Variants in DAAM1 observed in about 807,000 individuals in gnomAD.
DAAM1 encodes dishevelled associated activator of morphogenesis 1.
DAAM1 carries 52 observed loss-of-function variants against 130.0 expected under a neutral mutation model. The observed-to-expected ratio is 0.40, with a 90% CI of 0.32 to 0.50. The LOEUF (loss-of-function observed/expected upper bound fraction) is 0.50, where lower values mean the gene tolerates loss of function less well. DAAM1 is among the 20% of genes least tolerant of loss of function. DAAM1 has a pLI of 0.61. For missense variants in DAAM1, 1,134 were observed against 1,303.8 expected, an observed-to-expected ratio of 0.87 and a Z score of 2.01; for synonymous variants, 452 against 444.5, an observed-to-expected ratio of 1.02 and a Z score of -0.21.
chr14:59,261,085 G>A (rs1179288081), intron 1 of DAAM1, among the ~76,000 whole-genome samples: 1 of 152,154 alleles, frequency 6.6e-6, no homozygotes, highest in Non-Finnish European at 1.5e-5. Flanking sequence ...TCTGCTCTGA[G>A]AAGATGGTGG....
intron 3 of DAAM1, among the ~76,000 whole-genome samples, 197 bp from the exon 4 acceptor site, chr14:59,315,083 T>G (rs903454403): frequency 6.6e-6 from 1 of 152,200 alleles, no homozygotes; most frequent in African/African-American, 2.4e-5. Flanking sequence ...TCTGTGGAAA[T>G]TGAGCTGGGA....
chr14:59,336,448 T>A lies in DAAM1; in HGVS notation c.1969-3626T>A, dbSNP rs1885629777. On this transcript the variant is annotated intron_variant, in intron 15 of 24. Coordinates refer to ENST00000360909, the MANE Select transcript of DAAM1 (RefSeq NM_001270520.2). ...TACTTCTCTCTGATTTTTCAGTGAATAAGCTTTCAAAAAGAATGTTAACCT... is the reference window on the plus strand; with the variant it reads ...TACTTCTCTCTGATTTTTCAGTGAAAAAGCTTTCAAAAAGAATGTTAACCT... 3.3e-5 allele frequency among the ~76,000 whole-genome samples: 5 copies of A among 152,338 alleles called. No individual in the cohort carries two copies. The South Asian group carries it at 1.0e-3, about 32-fold the overall frequency.
chr14:59,327,398 G>GTTTCTTTTTTTT (rs1885248132), intron 12 of DAAM1, among the ~76,000 whole-genome samples: 1 of 72,774 alleles, frequency 1.4e-5, no homozygotes, highest in African/African-American at 7.4e-5. Context: ...AGGTCACTTG[G>GTTTCTTTTTTTT]TTTCTTTTTT....
chr14:59,345,290 C>T (rs139741788), intron 16 of DAAM1, among the ~76,000 whole-genome samples: 2,104 of 152,242 alleles, frequency 0.014, 19 homozygotes, highest in South Asian at 0.036. Context: ...CCAAGAATGA[C>T]GAAAACCATC....
chr14:59,200,451 AT>A (rs74631508), intron 1 of DAAM1, among the ~76,000 whole-genome samples: 3 of 149,448 alleles, frequency 2.0e-5, no homozygotes, highest in Admixed American at 1.3e-4. Context: ...GTGATGTTCC[AT>A]TTTTTTTTTC....
chr14:59,307,881 T>G (rs1884432563), intron 3 of DAAM1, among the ~76,000 whole-genome samples: 1 of 152,204 alleles, frequency 6.6e-6, no homozygotes, highest in Non-Finnish European at 1.5e-5. Context: ...TTCAATTTTG[T>G]TAACCTAGAT....
intron 3 of DAAM1, among the ~76,000 whole-genome samples, chr14:59,308,857 G>C (rs377723668): frequency 6.6e-6 from 1 of 152,172 alleles, no homozygotes; most frequent in Non-Finnish European, 1.5e-5. Context: ...GGAGGTGGTG[G>C]ATTTCCTGGC....
intron 1 of DAAM1, among the ~76,000 whole-genome samples, chr14:59,224,380 G>T (rs1888871586): frequency 6.6e-6 from 1 of 152,220 alleles, no homozygotes; most frequent in Non-Finnish European, 1.5e-5. Context: ...TCAAATCCTT[G>T]ATGGTGGCAC....
At chr14:59,354,818 C>T (rs905627957) in intron 19 of DAAM1, among the ~76,000 whole-genome samples, 2 of 152,164 alleles carry the variant, frequency 1.3e-5, no homozygotes, top group Non-Finnish European at 2.9e-5. Context: ...TAACCTGACT[C>T]ACACCAGACA....
intron 2 of DAAM1, among the ~76,000 whole-genome samples, chr14:59,287,007 T>G (rs1451967393): frequency 6.6e-6 from 1 of 152,006 alleles, no homozygotes; most frequent in Non-Finnish European, 1.5e-5. Context: ...GGCTAATATC[T>G]CTGATGAAGG....
At chr14:59,211,369 C>A (rs1256993960) in intron 1 of DAAM1, among the ~76,000 whole-genome samples, 1 of 152,200 alleles carries the variant, frequency 6.6e-6, no homozygotes, top group Admixed American at 6.5e-5. Context: ...CATCCTGTGG[C>A]ACTCTCTTCT....
chr14:59,255,215 C>G (rs186411376), intron 1 of DAAM1, among the ~76,000 whole-genome samples: 89 of 152,228 alleles, frequency 5.8e-4, no homozygotes, highest in Non-Finnish European at 2.9e-5. Context: ...CAAGAAGTGC[C>G]CTATTAGAAC....
At chr14:59,209,156 G>T (rs2139407467) in intron 1 of DAAM1, among the ~76,000 whole-genome samples, 1 of 152,258 alleles carries the variant, frequency 6.6e-6, no homozygotes, top group South Asian at 2.1e-4. Context: ...CCTATAATCT[G>T]TTAAATACTT....
At chr14:59,286,682 A>C (rs1286814189) in intron 2 of DAAM1, among the ~76,000 whole-genome samples, 1 of 152,192 alleles carries the variant, frequency 6.6e-6, no homozygotes, top group Non-Finnish European at 1.5e-5. Context: ...AAGGTGTTTA[A>C]GAAATGGATA....
intron 3 of DAAM1, among the ~76,000 whole-genome samples, chr14:59,293,725 A>G (rs1453904488): frequency 1.3e-5 from 2 of 152,240 alleles, no homozygotes; most frequent in Non-Finnish European, 2.9e-5. Flanking sequence ...TAACACTGTT[A>G]AAACTCTACT....
At chr14:59,282,314 A>ATC (rs1883257644) in intron 2 of DAAM1, among the ~76,000 whole-genome samples, 1 of 152,156 alleles carries the variant, frequency 6.6e-6, no homozygotes, top group South Asian at 2.1e-4. Flanking sequence ...TAGCTTTTTG[A>ATC]ACCCTGTGCC....
chr14:59,270,073 A>G (rs112782730), intron 2 of DAAM1, among the ~76,000 whole-genome samples: 3 of 152,186 alleles, frequency 2.0e-5, no homozygotes, highest in African/African-American at 2.4e-5. Flanking sequence ...ATATTTTGCT[A>G]TCTGGTTAAA....
At chr14:59,254,881 T>C (rs1270796967) in intron 1 of DAAM1, among the ~76,000 whole-genome samples, 1 of 152,214 alleles carries the variant, frequency 6.6e-6, no homozygotes, top group Non-Finnish European at 1.5e-5. Flanking sequence ...ATAGTGTTTC[T>C]GGCAGGGCTT....
Position 59,323,034 on chromosome 14 carries a change from C to T in DAAM1, c.583C>T (p.Arg195Trp). 1.9e-6 allele frequency: 3 copies of T among 1,614,102 alleles called. No individual in the cohort carries two copies. Among genetic ancestry groups the T allele is most frequent in the East Asian group, 2.2e-5 (1 of 44,852 alleles). The change falls in exon 6 of 25, where the codon CGG becomes TGG. Residue 195 changes from arginine to tryptophan, a missense_variant. By Grantham distance (101) the Arg-to-Trp change is moderately radical. Transcript: ENST00000360909. ...GGCGTTAATGAACAACTCTCAAGGC[C>T]GGGCTCACGTCCTGGCTCATTCTGA... ...IKALMNNSQGRAHVLAHSESI... is the reference protein window; with the variant it reads ...IKALMNNSQGWAHVLAHSESI...
Sources: gnomAD v4.1 joint callset for allele counts (sites outside exome capture counted in the v4.1 genomes callset) on GRCh38, gnomAD v4.1.1 for gene constraint, MANE v1.5 for transcripts, NCBI Gene and HGNC (gene_info 2026-07-23, HGNC 2026-07-21) for gene names.